HTR4: variants seen among roughly 807,000 people sequenced by gnomAD.
HTR4 encodes 5-hydroxytryptamine (serotonin) receptor 4, G protein-coupled.
In HTR4, 16 loss-of-function variants were observed where a neutral mutation model predicts 36.8. The ratio of observed to expected loss-of-function variants is 0.43; its 90% CI spans 0.29 to 0.66. The LOEUF (loss-of-function observed/expected upper bound fraction) is 0.66, where lower values mean the gene tolerates loss of function less well. HTR4 is among the 30% of genes least tolerant of loss of function. The pLI, the probability that HTR4 is intolerant of heterozygous loss-of-function variation, is 0.13. For synonymous variants in HTR4, 189 were observed against 185.1 expected (o/e 1.02, Z -0.17); for missense variants, 438 against 490.9 (o/e 0.89, Z 1.02).
At chr5:148,619,427 T>A (rs984761782) in intron 2 of HTR4, among the ~76,000 whole-genome samples, 2 of 151,950 alleles carry the variant, frequency 1.3e-5, no homozygotes, top group Non-Finnish European at 2.9e-5. Context: ...GAAAGCAAAA[T>A]CTTTTTGAAA....
At chr5:148,500,031 C>G (rs1756866621) in intron 6 of HTR4, among the ~76,000 whole-genome samples, 1 of 152,162 alleles carries the variant, frequency 6.6e-6, no homozygotes, top group Non-Finnish European at 1.5e-5. Context: ...ACAAATAAAC[C>G]TCTTTTCCTT....
chr5:148,516,138 T>C (rs1459605195), intron 5 of HTR4, among the ~76,000 whole-genome samples: 1 of 151,550 alleles, frequency 6.6e-6, no homozygotes, highest in Non-Finnish European at 1.5e-5. Flanking sequence ...TACAAGGTTA[T>C]GGTATAACAT....
intron 5 of HTR4, among the ~76,000 whole-genome samples, chr5:148,466,618 C>T (rs2113699364): frequency 6.6e-6 from 1 of 152,288 alleles, no homozygotes; most frequent in East Asian, 1.9e-4. Flanking sequence ...GCCTTGCAAC[C>T]TCAGTCCTCC....
chr5:148,568,065 A>T (rs1760521114), intron 2 of HTR4, among the ~76,000 whole-genome samples: 1 of 152,180 alleles, frequency 6.6e-6, no homozygotes. Flanking sequence ...TATCCACTTT[A>T]TCCAAAGTCC....
At chr5:148,514,931 C>G (rs192249769) in intron 5 of HTR4, among the ~76,000 whole-genome samples, 1 of 151,874 alleles carries the variant, frequency 6.6e-6, no homozygotes. Flanking sequence ...ATTTAATGGT[C>G]CTCTCTTACA....
At chr5:148,647,470 A>G (rs1198907279) in intron 1 of HTR4, among the ~76,000 whole-genome samples, 8 of 152,168 alleles carry the variant, frequency 5.3e-5, no homozygotes, top group South Asian at 2.1e-4. Flanking sequence ...TGACCTGGGC[A>G]CTGGACATTG....
chr5:148,614,307 C>G lies in HTR4; in HGVS notation c.26+22682G>C, dbSNP rs916506495. Among the ~76,000 whole-genome samples the G allele has an allele frequency of 9.1e-3, 1,362 of 150,462 alleles. 25 individuals carry two copies. Among genetic ancestry groups the G allele is most frequent in the African/African-American group, 0.031 (1,303 of 41,420 alleles). On this transcript the variant is annotated intron_variant, in intron 2 of 6. Transcript: ENST00000377888. Reference sequence around the variant, plus strand: ...TACTACAAGGCTACAGTAACCAAAACAGCATGGTACTGGTACCAAAACAGA... The same window carrying G: ...TACTACAAGGCTACAGTAACCAAAAGAGCATGGTACTGGTACCAAAACAGA...
Position 148,482,996 on chromosome 5 carries a change from A to AC in HTR4, c.*206dup, listed in dbSNP as rs1381194335. The AC allele has an allele frequency of 7.0e-7, 1 of 1,426,814 alleles. No homozygotes were observed. Among genetic ancestry groups the AC allele is most frequent in the Non-Finnish European group, 9.2e-7 (1 of 1,088,192 alleles). 88.4% of individuals were successfully genotyped at this position (1,426,814 alleles called of 1,614,324 possible). ...GGGAGTGTTGGGAAATAAAAAGTGA[A>AC]CAAGGAGGCCATTATGTCCCCTGAC... On this transcript the variant is annotated 3_prime_UTR_variant, in exon 7 of 7. Transcript: ENST00000377888.
chr5:148,520,791 G>A, intron 5 of HTR4: 4 of 1,056,362 alleles, frequency 3.8e-6, no homozygotes, highest in Non-Finnish European at 5.2e-6. Context: ...TTTCCTCCAG[G>A]AATGGTGAAA....
At chr5:148,613,145 A>G (rs1476719914) in intron 2 of HTR4, among the ~76,000 whole-genome samples, 1 of 151,030 alleles carries the variant, frequency 6.6e-6, no homozygotes, top group South Asian at 2.1e-4. Context: ...ATTCCAATCA[A>G]TAGAAAAAGA....
At chr5:148,494,099 T>G (rs1249823524) in intron 6 of HTR4, among the ~76,000 whole-genome samples, 1 of 152,226 alleles carries the variant, frequency 6.6e-6, no homozygotes, top group Non-Finnish European at 1.5e-5. Flanking sequence ...AAGTCAAAAT[T>G]TAACAAGTGG....
chr5:148,584,273 T>TC (rs1285174809), intron 2 of HTR4, among the ~76,000 whole-genome samples: 1 of 151,982 alleles, frequency 6.6e-6, no homozygotes, highest in Non-Finnish European at 1.5e-5. Context: ...ACTGGAGCTT[T>TC]CCCCCAAAAA....
chr5:148,626,172 A>C (rs1581563848), intron 2 of HTR4, among the ~76,000 whole-genome samples: 1 of 152,340 alleles, frequency 6.6e-6, no homozygotes, highest in East Asian at 1.9e-4. Flanking sequence ...TTACAAATAG[A>C]AATCAGACAC....
chr5:148,528,997 C>A (rs574414010), intron 4 of HTR4, among the ~76,000 whole-genome samples: 1 of 149,396 alleles, frequency 6.7e-6, no homozygotes, highest in South Asian at 2.3e-4. Flanking sequence ...TTTGCACCAA[C>A]CTAACACTTT....
intron 5 of HTR4, among the ~76,000 whole-genome samples, chr5:148,511,701 G>A (rs182339120): frequency 9.1e-4 from 137 of 150,888 alleles, no homozygotes; most frequent in African/African-American, 3.1e-3. Flanking sequence ...TGAAATTGCT[G>A]TATCATAGCT....
chr5:148,608,804 T>G (rs1464246915), intron 2 of HTR4, among the ~76,000 whole-genome samples: 1 of 152,218 alleles, frequency 6.6e-6, no homozygotes, highest in Non-Finnish European at 1.5e-5. Flanking sequence ...GAGATGATAC[T>G]GTTCTAAATC....
At chr5:148,495,579 TC>T (rs1426911781) in intron 6 of HTR4, among the ~76,000 whole-genome samples, 1 of 152,104 alleles carries the variant, frequency 6.6e-6, no homozygotes, top group Non-Finnish European at 1.5e-5. Flanking sequence ...TTGGTATTTG[TC>T]CAATGGACAA....
intron 1 of HTR4, among the ~76,000 whole-genome samples, chr5:148,648,748 G>T (rs1051951647): frequency 6.6e-6 from 1 of 152,088 alleles, no homozygotes; most frequent in Non-Finnish European, 1.5e-5. Context: ...ATGACTTCTT[G>T]GTCATAAACA....
chr5:148,483,201 G>T lies in HTR4; in HGVS notation c.*2C>A. 4 of 1,613,980 alleles carry T rather than the reference G, an allele frequency of 2.5e-6. No homozygotes were observed. The highest frequency in any genetic ancestry group is 3.4e-6 in the Non-Finnish European group (4 of 1,179,896). ...TGTCTTCTGGGTCATTGTCCCAGGGGCCTAAGTGTCACTGGGCTGAGCAGC... is the reference window on the plus strand; with the variant it reads ...TGTCTTCTGGGTCATTGTCCCAGGGTCCTAAGTGTCACTGGGCTGAGCAGC... On this transcript the variant is annotated 3_prime_UTR_variant, in exon 7 of 7. Coordinates refer to ENST00000377888, the MANE Select transcript of HTR4 (RefSeq NM_000870.7).
Sources: gnomAD v4.1 joint callset for allele counts (sites outside exome capture counted in the v4.1 genomes callset) on GRCh38, gnomAD v4.1.1 for gene constraint, MANE v1.5 for transcripts, NCBI Gene and HGNC (gene_info 2026-07-23, HGNC 2026-07-21) for gene names.